Variants in XPO4 observed in about 807,000 individuals in gnomAD.
The protein encoded by XPO4 is exportin 4, also known as exportin-4.
In XPO4, 39 loss-of-function variants were observed where a neutral mutation model predicts 143.0. The ratio of observed to expected loss-of-function variants is 0.27; its 90% CI spans 0.21 to 0.36. XPO4 has a LOEUF of 0.36. XPO4 is among the 10% of genes least tolerant of loss of function. The probability of loss-of-function intolerance (pLI) is 1.00; values close to 1 mark genes in which losing one functional copy is unlikely to be tolerated. For missense variants in XPO4, 907 were observed against 1,348.0 expected, an observed-to-expected ratio of 0.67 and a Z score of 5.12; for synonymous variants, 439 against 474.0, an observed-to-expected ratio of 0.93 and a Z score of 0.96.
chr13:20,809,277 G>A (rs1307763764), intron 10 of XPO4, 52 bp from the exon 11 acceptor site: 25 of 1,577,358 alleles, frequency 1.6e-5, no homozygotes, highest in East Asian at 2.3e-5. Context: ...CCTATTCAAC[G>A]TGCACTTCTG....
intron 10 of XPO4, among the ~76,000 whole-genome samples, chr13:20,809,513 T>C (rs945818027): frequency 2.3e-4 from 35 of 152,292 alleles, no homozygotes; most frequent in African/African-American, 7.7e-4. Flanking sequence ...TATGGGAGAA[T>C]TGAACTTCTG....
intron 18 of XPO4, among the ~76,000 whole-genome samples, chr13:20,792,582 CAAAT>C (rs139237151): frequency 0.038 from 5,721 of 151,508 alleles, 364 homozygotes; most frequent in African/African-American, 0.13. Flanking sequence ...AACAAACAAA[CAAAT>C]AAACAAACAA....
rs1246454210 is a variant in XPO4 at position 20,781,401 on chromosome 13, A to T, written c.*2321T>A. Reference sequence around the variant, plus strand: ...CAGTGGCATCCCCATCACCTAAAAAATGGTAGTGGCTTCTCCCCACCCCAG... The same window carrying T: ...CAGTGGCATCCCCATCACCTAAAAATTGGTAGTGGCTTCTCCCCACCCCAG... On this transcript the variant is annotated 3_prime_UTR_variant, in exon 23 of 23. Transcript: ENST00000255305. 6.6e-6 allele frequency: 1 copy of T among 152,658 alleles called. No individual in the cohort carries two copies. The highest frequency in any genetic ancestry group is 2.4e-5 in the African/African-American group (1 of 41,464). 9.5% of individuals were successfully genotyped at this position (152,658 alleles called of 1,614,324 possible).
chr13:20,902,143 C>T, intron 1 of XPO4: 1 of 985,414 alleles, frequency 1.0e-6, no homozygotes, highest in Non-Finnish European at 1.2e-6. Context: ...GCCGGCCCGG[C>T]CCTTCCACGT....
chr13:20,898,023 G>T (rs2060585625), intron 1 of XPO4, among the ~76,000 whole-genome samples: 1 of 152,162 alleles, frequency 6.6e-6, no homozygotes, highest in Non-Finnish European at 1.5e-5. Context: ...AAAGTGCTAG[G>T]ATTACAGGTG....
chr13:20,871,063 C>T lies in XPO4; in HGVS notation c.70-2362G>A, dbSNP rs574885977. The stretch of plus-strand genomic sequence containing the variant: ...ACCTCAGTGATCTGCCTGCCTTGGC[C>T]TCCCAAAGTGCTAGGATTATGAGTG... On this transcript the variant is annotated intron_variant, in intron 1 of 22. Transcript: ENST00000255305. Among the ~76,000 whole-genome samples the T allele has an allele frequency of 2.6e-5, 4 of 152,314 alleles. No homozygotes were observed. In the South Asian group the frequency reaches 8.3e-4, roughly 32 times the overall value.
intron 13 of XPO4, among the ~76,000 whole-genome samples, chr13:20,804,841 ACCTCCACT>A: frequency 6.6e-6 from 1 of 151,832 alleles, no homozygotes; most frequent in East Asian, 1.9e-4. Flanking sequence ...ACCTCTCACA[ACCTCCACT>A]ATAGGTCTGA....
At chr13:20,849,143 TG>T in intron 4 of XPO4, 6 of 985,442 alleles carry the variant, frequency 6.1e-6, no homozygotes, top group Non-Finnish European at 7.2e-6. Flanking sequence ...GAGAGAGGAT[TG>T]TCTCTTATAA....
chr13:20,814,121 C>A (rs962674926), intron 9 of XPO4, among the ~76,000 whole-genome samples: 2 of 149,904 alleles, frequency 1.3e-5, no homozygotes, highest in Non-Finnish European at 3.0e-5. Flanking sequence ...GTTTATCTTG[C>A]CAAAATAAAC....
chr13:20,816,313 G>A (rs1426541914), intron 9 of XPO4, among the ~76,000 whole-genome samples: 1 of 152,034 alleles, frequency 6.6e-6, no homozygotes, highest in Non-Finnish European at 1.5e-5. Flanking sequence ...ATCATTTAAG[G>A]CAAATATGGG....
chr13:20,859,492 C>T (rs1376859568), intron 3 of XPO4, among the ~76,000 whole-genome samples: 2 of 151,778 alleles, frequency 1.3e-5, no homozygotes, highest in Non-Finnish European at 2.9e-5. Context: ...CCCAGCTACT[C>T]GGGAGGCTGA....
At chr13:20,900,750 T>G (rs2060613143) in intron 1 of XPO4, among the ~76,000 whole-genome samples, 1 of 151,888 alleles carries the variant, frequency 6.6e-6, no homozygotes, top group South Asian at 2.1e-4. Flanking sequence ...TAGCTGAGAT[T>G]AAAGGTGCCA....
intron 1 of XPO4, among the ~76,000 whole-genome samples, chr13:20,896,200 C>T (rs1848655663): frequency 6.6e-6 from 1 of 152,194 alleles, no homozygotes; most frequent in Admixed American, 6.5e-5. Flanking sequence ...ATAGTTGCTA[C>T]ATCAAGTCCC....
At chr13:20,866,399 A>G (rs2060245894) in intron 2 of XPO4, 2 of 983,174 alleles carry the variant, frequency 2.0e-6, no homozygotes, top group South Asian at 9.4e-5. Context: ...AGCATCAAAG[A>G]AAGTCTCCCC....
chr13:20,902,755 C>A, upstream of XPO4: 1 of 1,467,602 alleles, frequency 6.8e-7, no homozygotes, highest in Non-Finnish European at 9.1e-7. Context: ...TCTTCAATGA[C>A]GCGCCATGCG....
chr13:20,806,339 T>C (rs2059502285), intron 13 of XPO4, among the ~76,000 whole-genome samples: 1 of 152,176 alleles, frequency 6.6e-6, no homozygotes, highest in South Asian at 2.1e-4. Flanking sequence ...CATTTTCTAT[T>C]GCATGTTTAA....
chr13:20,846,676 G>A (rs1367228509), intron 4 of XPO4, among the ~76,000 whole-genome samples: 1 of 151,968 alleles, frequency 6.6e-6, no homozygotes, highest in African/African-American at 2.4e-5. Flanking sequence ...ACTAGAAATC[G>A]TAGAAAAGCA....
intron 9 of XPO4, among the ~76,000 whole-genome samples, chr13:20,818,296 G>A (rs1659903330): frequency 6.6e-6 from 1 of 152,078 alleles, no homozygotes; most frequent in Admixed American, 6.5e-5. Flanking sequence ...TCAGTTAACT[G>A]CAAGTCAGAG....
intron 7 of XPO4, 60 bp downstream of exon 7, chr13:20,827,007 C>T (rs900931338): frequency 1.4e-5 from 17 of 1,201,206 alleles, no homozygotes; most frequent in African/African-American, 1.4e-4. Context: ...TTAAGAAACT[C>T]GCCAAGGCAT....
Sources: allele counts gnomAD v4.1 joint callset (sites outside exome capture counted in the v4.1 genomes callset), GRCh38; gene constraint gnomAD v4.1.1; transcripts MANE v1.5; gene names NCBI Gene and HGNC (gene_info 2026-07-23, HGNC 2026-07-21).